Variants in CNTNAP2 observed in about 807,000 individuals in gnomAD.
CNTNAP2 encodes contactin associated protein 2, also known as contactin-associated protein-like 2.
CNTNAP2 carries 98 observed loss-of-function variants against 155.2 expected under a neutral mutation model. The observed-to-expected ratio is 0.63, with a 90% CI of 0.54 to 0.75. The LOEUF is 0.75. CNTNAP2 is among the 30% of genes least tolerant of loss of function. The pLI, the probability that CNTNAP2 is intolerant of heterozygous loss-of-function variation, is 0.00. For synonymous variants in CNTNAP2, 651 were observed against 631.2 expected (o/e 1.03, Z -0.47); for missense variants, 1,727 against 1,688.1 (o/e 1.02, Z -0.40).
Position 148,070,818 on chromosome 7 carries a change from GT to G in CNTNAP2, c.2384-47299del, listed in dbSNP as rs891325683. On this transcript the variant is annotated intron_variant, in intron 15 of 23. Transcript: ENST00000361727. Reference sequence around the variant, plus strand: ...TTATCCTGGAATACACTATTCAATAGTGGTAAACTTTGTTATATGGAAAACA... The same window carrying G: ...TTATCCTGGAATACACTATTCAATAGGGTAAACTTTGTTATATGGAAAACA... 2.6e-4 allele frequency among the ~76,000 whole-genome samples: 39 copies of G among 152,268 alleles called. No individual in the cohort carries two copies. In the East Asian group the frequency reaches 7.5e-3, roughly 29 times the overall value.
chr7:147,865,245 G>A (rs561920185), intron 13 of CNTNAP2, among the ~76,000 whole-genome samples: 38 of 152,242 alleles, frequency 2.5e-4, no homozygotes, highest in African/African-American at 8.9e-4. Flanking sequence ...ATTTGCATAT[G>A]TTGAACCAGC....
At chr7:147,830,288 G>A (rs1798526961) in intron 13 of CNTNAP2, among the ~76,000 whole-genome samples, 1 of 152,040 alleles carries the variant, frequency 6.6e-6, no homozygotes. Flanking sequence ...TGGTGAGGGG[G>A]AGTTTTCTGT....
chr7:146,395,734 G>A (rs1795609852), intron 1 of CNTNAP2, among the ~76,000 whole-genome samples: 1 of 150,136 alleles, frequency 6.7e-6, no homozygotes, highest in Non-Finnish European at 1.5e-5. Flanking sequence ...TTCCACGTAG[G>A]AGCAGAATAT....
intron 14 of CNTNAP2, among the ~76,000 whole-genome samples, chr7:147,975,205 A>C (rs1801408798): frequency 1.3e-5 from 2 of 152,086 alleles, no homozygotes; most frequent in Admixed American, 6.6e-5. Flanking sequence ...AGCTAGGCAC[A>C]AAGGAATGCA....
chr7:147,566,757 A>T (rs1402993948), intron 12 of CNTNAP2, among the ~76,000 whole-genome samples: 1 of 152,202 alleles, frequency 6.6e-6, no homozygotes, highest in African/African-American at 2.4e-5. Flanking sequence ...ACAATTCAAG[A>T]TGAGATTCGG....
At chr7:147,099,434 C>G (rs1018603452) in intron 4 of CNTNAP2, among the ~76,000 whole-genome samples, 1 of 152,090 alleles carries the variant, frequency 6.6e-6, no homozygotes, top group Non-Finnish European at 1.5e-5. Flanking sequence ...GAAGCCATGG[C>G]AGCTCCAAGA....
At chr7:147,768,245 G>A (rs1347630433) in intron 13 of CNTNAP2, among the ~76,000 whole-genome samples, 1 of 152,072 alleles carries the variant, frequency 6.6e-6, no homozygotes, top group African/African-American at 2.4e-5. Context: ...GAGGCTAAAG[G>A]GGTTATGTTC....
At chr7:146,747,976 A>C (rs114310806) in intron 1 of CNTNAP2, among the ~76,000 whole-genome samples, 2,659 of 152,100 alleles carry the variant, frequency 0.017, 73 homozygotes, top group African/African-American at 0.061. Context: ...TAATGAACAC[A>C]ATGTACAAAA....
intron 14 of CNTNAP2, among the ~76,000 whole-genome samples, chr7:147,909,621 C>T (rs948332703): frequency 2.0e-5 from 3 of 152,174 alleles, no homozygotes; most frequent in African/African-American, 7.2e-5. Flanking sequence ...ATATTCCCAC[C>T]TACAGTGCCA....
chr7:147,624,105 G>T (rs73470904), intron 12 of CNTNAP2, among the ~76,000 whole-genome samples: 13,667 of 151,910 alleles, frequency 0.09, 1,701 homozygotes, highest in African/African-American at 0.26. Flanking sequence ...TATACAAAAA[G>T]CAAATCAAAA....
chr7:146,231,550 T>C (rs1017396944), intron 1 of CNTNAP2, among the ~76,000 whole-genome samples: 1 of 152,216 alleles, frequency 6.6e-6, no homozygotes, highest in Non-Finnish European at 1.5e-5. Context: ...TATAATTAAA[T>C]TAAAGCGTAA....
chr7:147,813,958 C>A (rs1307728705), intron 13 of CNTNAP2, among the ~76,000 whole-genome samples: 1 of 151,942 alleles, frequency 6.6e-6, no homozygotes, highest in Non-Finnish European at 1.5e-5. Flanking sequence ...ACTAAAAAGT[C>A]GACAAGCTCA....
chr7:146,165,200 A>T (rs1400206010), intron 1 of CNTNAP2, among the ~76,000 whole-genome samples: 3 of 152,006 alleles, frequency 2.0e-5, no homozygotes, highest in Non-Finnish European at 2.9e-5. Context: ...ATATTTTTTT[A>T]AAAATTTGTC....
At chr7:148,094,131 G>A (rs953645371) in intron 15 of CNTNAP2, among the ~76,000 whole-genome samples, 3 of 152,232 alleles carry the variant, frequency 2.0e-5, no homozygotes, top group African/African-American at 7.2e-5. Flanking sequence ...AGATTCAGAC[G>A]GACTTTCTCT....
At chr7:146,452,370 T>C (rs1424245493) in intron 1 of CNTNAP2, among the ~76,000 whole-genome samples, 1 of 152,212 alleles carries the variant, frequency 6.6e-6, no homozygotes, top group Non-Finnish European at 1.5e-5. Flanking sequence ...ATCTATGACA[T>C]GTATAGTAAA....
At chr7:147,505,623 T>A (rs1194221068) in intron 11 of CNTNAP2, among the ~76,000 whole-genome samples, 1 of 152,096 alleles carries the variant, frequency 6.6e-6, no homozygotes, top group Non-Finnish European at 1.5e-5. Flanking sequence ...ATGGAAGAAA[T>A]GTATCTGTTT....
chr7:146,638,027 G>T (rs555888959), intron 1 of CNTNAP2, among the ~76,000 whole-genome samples: 166 of 152,242 alleles, frequency 1.1e-3, no homozygotes, highest in Non-Finnish European at 1.9e-3. Context: ...TGCACCTGTT[G>T]CAGTAACCCA....
At chr7:147,152,003 G>A (rs1801837305) in intron 8 of CNTNAP2, among the ~76,000 whole-genome samples, 1 of 152,078 alleles carries the variant, frequency 6.6e-6, no homozygotes, top group Non-Finnish European at 1.5e-5. Context: ...AAAAAAATGT[G>A]CTATCTTGTA....
intron 21 of CNTNAP2, among the ~76,000 whole-genome samples, chr7:148,306,244 G>A (rs1008836266): frequency 1.3e-5 from 2 of 152,056 alleles, no homozygotes; most frequent in Non-Finnish European, 2.9e-5. Flanking sequence ...AAGATTTTAG[G>A]TTCTTATTCT....
Sources: allele counts gnomAD v4.1 joint callset (sites outside exome capture counted in the v4.1 genomes callset), GRCh38; gene constraint gnomAD v4.1.1; transcripts MANE v1.5; gene names NCBI Gene and HGNC (gene_info 2026-07-23, HGNC 2026-07-21).